Variants in AASDHPPT observed in about 807,000 individuals in gnomAD.
The protein encoded by AASDHPPT is L-aminoadipate-semialdehyde dehydrogenase-phosphopantetheinyl transferase.
In AASDHPPT, 23 loss-of-function variants were observed where a neutral mutation model predicts 36.4. The ratio of observed to expected loss-of-function variants is 0.63; its 90% confidence interval spans 0.45 to 0.89. The LOEUF (loss-of-function observed/expected upper bound fraction) is 0.89, where lower values mean the gene tolerates loss of function less well. Ranked by LOEUF, AASDHPPT falls within the 40% of genes least tolerant of loss-of-function variation. AASDHPPT has a pLI of 0.00. For missense variants in AASDHPPT, 377 were observed against 378.2 expected (o/e 1.00, Z 0.03); for synonymous variants, 115 against 128.0 (o/e 0.90, Z 0.68).
chr11:106,082,002 TATA>T (rs535433959), intron 2 of AASDHPPT, among the ~76,000 whole-genome samples: 7 of 150,324 alleles, frequency 4.7e-5, no homozygotes, highest in African/African-American at 1.7e-4. Flanking sequence ...GAACTTAAAG[TATA>T]ATAATAATAA....
At chr11:106,086,707 ATG>A (rs2135040270) in intron 2 of AASDHPPT, among the ~76,000 whole-genome samples, 1 of 152,288 alleles carries the variant, frequency 6.6e-6, no homozygotes, top group East Asian at 1.9e-4. Flanking sequence ...TAAATCAGCT[ATG>A]TGTGAAACTG....
intron 2 of AASDHPPT, among the ~76,000 whole-genome samples, chr11:106,088,567 A>C (rs1231898773): frequency 6.6e-6 from 1 of 152,034 alleles, no homozygotes; most frequent in Admixed American, 6.6e-5. Flanking sequence ...CAATGTTTAA[A>C]ATTTCCAGAT....
intron 2 of AASDHPPT, among the ~76,000 whole-genome samples, chr11:106,081,175 G>T (rs1252659920): frequency 1.3e-5 from 2 of 152,194 alleles, no homozygotes; most frequent in Non-Finnish European, 2.9e-5. Context: ...ATAGGCTTCA[G>T]TGTGGTTGTG....
At chr11:106,087,635 A>AT (rs917006967) in intron 2 of AASDHPPT, among the ~76,000 whole-genome samples, 4 of 152,098 alleles carry the variant, frequency 2.6e-5, no homozygotes, top group Non-Finnish European at 5.9e-5. Flanking sequence ...GAGGTTCTGG[A>AT]TTTTTTTCCG....
intron 2 of AASDHPPT, among the ~76,000 whole-genome samples, chr11:106,090,215 A>G (rs921077245): frequency 6.6e-6 from 1 of 152,054 alleles, no homozygotes; most frequent in Admixed American, 6.6e-5. Flanking sequence ...TAAAATTTAT[A>G]ACAGCTTTGG....
intron 1 of AASDHPPT, 77 bp downstream of exon 1, chr11:106,077,970 A>T (rs901722739): frequency 6.6e-7 from 1 of 1,506,826 alleles, no homozygotes; most frequent in African/African-American, 1.4e-5. Context: ...TGGAGACCCG[A>T]CACTCCCGCG....
chr11:106,083,783 TAAA>T (rs954315464), intron 2 of AASDHPPT, among the ~76,000 whole-genome samples: 16 of 152,116 alleles, frequency 1.1e-4, no homozygotes, highest in Non-Finnish European at 2.1e-4. Context: ...AATTTAAAAA[TAAA>T]AAAGTTTAAA....
intron 2 of AASDHPPT, among the ~76,000 whole-genome samples, chr11:106,089,719 G>A (rs888383130): frequency 1.3e-5 from 2 of 151,932 alleles, no homozygotes; most frequent in African/African-American, 4.8e-5. Flanking sequence ...TAATTTTAAT[G>A]TTTTGGAAAA....
intron 5 of AASDHPPT, among the ~76,000 whole-genome samples, chr11:106,095,294 G>A (rs1180224092): frequency 2.6e-5 from 4 of 152,142 alleles, no homozygotes; most frequent in Non-Finnish European, 4.4e-5. Context: ...TGTGTTGAAT[G>A]TAAGAGTACC....
chr11:106,090,766 G>A, intron 3 of AASDHPPT, 88 bp downstream of exon 3: 1 of 1,482,950 alleles, frequency 6.7e-7, no homozygotes, highest in Non-Finnish European at 9.0e-7. Context: ...ACCCAGTAGT[G>A]TCCAAACAGT....
chr11:106,078,142 A>G (rs1861084688), intron 1 of AASDHPPT, among the ~76,000 whole-genome samples: 1 of 152,194 alleles, frequency 6.6e-6, no homozygotes, highest in African/African-American at 2.4e-5. Flanking sequence ...TGTTATTTCA[A>G]ATGGAGACCC....
intron 4 of AASDHPPT, 76 bp downstream of exon 4, chr11:106,091,553 G>A (rs926592108): frequency 7.1e-7 from 1 of 1,418,124 alleles, no homozygotes; most frequent in Non-Finnish European, 9.4e-7. Flanking sequence ...ATTTGGGTAA[G>A]CTAGTCACTG....
intron 2 of AASDHPPT, among the ~76,000 whole-genome samples, chr11:106,079,902 T>C (rs1445839111): frequency 6.6e-6 from 1 of 152,230 alleles, no homozygotes; most frequent in Admixed American, 6.5e-5. Flanking sequence ...AGATTATCCG[T>C]TACTGGGGAT....
chr11:106,091,297 A>T lies in AASDHPPT; in HGVS notation c.532-19A>T. 6.4e-7 allele frequency: 1 copy of T among 1,568,916 alleles called. No homozygotes were observed. The highest frequency in any genetic ancestry group is 2.3e-5 in the East Asian group (1 of 44,078). ...TTTGTCCACCAAATTCTAAGAGAAA[A>T]TGTCTTTCTGTATCTTAGGCACTTA... On this transcript the variant is annotated intron_variant, in intron 3 of 5. Transcript: ENST00000278618.
Position 106,096,777 on chromosome 11 carries a change from G to A in AASDHPPT, c.800G>A (p.Arg267Lys). 6.2e-7 allele frequency: 1 copy of A among 1,607,050 alleles called. No individual in the cohort carries two copies. Among genetic ancestry groups the A allele is most frequent in the East Asian group, 2.2e-5 (1 of 44,480 alleles). ...CAGGATGATTCCAAACCAACCCAGAGGCAATTTACTATTCTCAACTTTAAT... is the reference window on the plus strand; with the variant it reads ...CAGGATGATTCCAAACCAACCCAGAAGCAATTTACTATTCTCAACTTTAAT... ...PSQDDSKPTQ[R>K]QFTILNFNDL... Residue 267 changes from arginine (R) to lysine (K), a missense_variant, in exon 6 of 6, where the codon AGG (arginine) becomes AAG (lysine). Arg to Lys is a conservative substitution (Grantham distance 26, BLOSUM62 2). Coordinates refer to ENST00000278618, the MANE Select transcript of AASDHPPT (RefSeq NM_015423.3).
Position 106,098,594 on chromosome 11 carries a change from A to G in AASDHPPT, c.*1687A>G, listed in dbSNP as rs1158670136. 6.6e-6 allele frequency: 1 copy of G among 151,980 alleles called. No individual in the cohort carries two copies. Among genetic ancestry groups the G allele is most frequent in the Admixed American group, 6.6e-5 (1 of 15,222 alleles). 9.4% of individuals were successfully genotyped at this position (151,980 alleles called of 1,614,324 possible). On this transcript the variant is annotated 3_prime_UTR_variant, in exon 6 of 6. Coordinates refer to ENST00000278618, the MANE Select transcript of AASDHPPT (RefSeq NM_015423.3). ...AGTAAATAAAGGTCAAGTAGCATTT[A>G]TAATAGAGGAAGTATTGTTATCCCT...
Position 106,098,431 on chromosome 11 carries a change from A to G in AASDHPPT, c.*1524A>G, listed in dbSNP as rs1174459561. 1 of 152,132 alleles carries G rather than the reference A, an allele frequency of 6.6e-6. No individual in the cohort carries two copies. Among genetic ancestry groups the G allele is most frequent in the Non-Finnish European group, 1.5e-5 (1 of 67,992 alleles). The allele number at this position is 152,132 out of a possible 1,614,324, so 9.4% of individuals were successfully genotyped here. ...GTTAAACTCTTAAGTATCAAGAAGT[A>G]AAATAATTTCATTGTTTCTGTTACT... On this transcript the variant is annotated 3_prime_UTR_variant, in exon 6 of 6. Transcript: ENST00000278618.
chr11:106,096,762 C>A lies in AASDHPPT; in HGVS notation c.785C>A (p.Ser262Tyr), dbSNP rs760282634. The A allele has an allele frequency of 1.2e-6, 2 of 1,602,128 alleles. No homozygotes were observed. Among genetic ancestry groups the A allele is most frequent in the South Asian group, 2.3e-5 (2 of 88,562 alleles). The change falls in exon 6 of 6, where the codon TCC becomes TAC. Residue 262 changes from serine (S) to tyrosine (Y), a missense_variant. Coordinates refer to ENST00000278618, the MANE Select transcript of AASDHPPT (RefSeq NM_015423.3). ...TTTTAGGTTCCATCTCAGGATGATTCCAAACCAACCCAGAGGCAATTTACT... is the reference window on the plus strand; with the variant it reads ...TTTTAGGTTCCATCTCAGGATGATTACAAACCAACCCAGAGGCAATTTACT... ...RHQDVPSQDD[S>Y]KPTQRQFTIL... is the part of the protein sequence containing the mutation.
Position 106,096,825 on chromosome 11 carries a change from C to G in AASDHPPT, c.848C>G (p.Pro283Arg). 1.9e-6 allele frequency: 3 copies of G among 1,611,202 alleles called. No homozygotes were observed. The highest frequency in any genetic ancestry group is 2.5e-6 in the Non-Finnish European group (3 of 1,178,564). ...NFNDLMSSAVPMTPEDPSFWD... is the reference protein window; with the variant it reads ...NFNDLMSSAVRMTPEDPSFWD... The stretch of plus-strand genomic sequence containing the variant: ...AATGATTTAATGTCATCTGCCGTTC[C>G]CATGACACCTGAAGATCCTTCATTT... The change falls in exon 6 of 6, where the codon CCC becomes CGC. Residue 283 changes from proline to arginine, a missense_variant. Physicochemically the swap from Pro to Arg is moderately radical, Grantham distance 103. Transcript: ENST00000278618.
Sources: gnomAD v4.1 joint callset for allele counts (sites outside exome capture counted in the v4.1 genomes callset) on GRCh38, gnomAD v4.1.1 for gene constraint, MANE v1.5 for transcripts, NCBI Gene and HGNC (gene_info 2026-07-23, HGNC 2026-07-21) for gene names.